Variants in STIM1 observed in about 807,000 individuals in gnomAD.
STIM1 encodes stromal interaction molecule 1.
In STIM1, 25 loss-of-function variants were observed where a neutral mutation model predicts 74.7. That is an observed-to-expected ratio of 0.33 (90% CI 0.24 to 0.47). The LOEUF (loss-of-function observed/expected upper bound fraction) is 0.47. Among genes scored for constraint, STIM1 ranks in the 20% least tolerant of loss-of-function variants. STIM1 has a pLI of 1.00. For synonymous variants in STIM1, 328 were observed against 348.8 expected, an observed-to-expected ratio of 0.94 and a Z score of 0.66; for missense variants, 728 against 920.8, an observed-to-expected ratio of 0.79 and a Z score of 2.71.
chr11:4,054,300 T>C (rs1223307602), intron 3 of STIM1, among the ~76,000 whole-genome samples: 1 of 152,138 alleles, frequency 6.6e-6, no homozygotes, highest in African/African-American at 2.4e-5. Flanking sequence ...AGGACAATAC[T>C]AGTAGCTATC....
chr11:3,979,512 T>C (rs11030479), intron 2 of STIM1, among the ~76,000 whole-genome samples: 8,270 of 152,266 alleles, frequency 0.054, 373 homozygotes, highest in East Asian at 0.18. Context: ...GTGGCACAAT[T>C]ATGGCTCACT....
At chr11:3,950,154 G>T (rs1254088181) in intron 1 of STIM1, among the ~76,000 whole-genome samples, 4 of 139,600 alleles carry the variant, frequency 2.9e-5, no homozygotes, top group African/African-American at 2.7e-5. Flanking sequence ...TTTTTTTTGA[G>T]ACAGAGTCTT....
At chr11:3,974,779 A>T (rs1305933509) in intron 2 of STIM1, among the ~76,000 whole-genome samples, 1 of 151,920 alleles carries the variant, frequency 6.6e-6, no homozygotes, top group Non-Finnish European at 1.5e-5. Context: ...AGAATTCATG[A>T]CCTGTGTTCT....
chr11:3,881,696 T>A (rs1352372683), intron 1 of STIM1, among the ~76,000 whole-genome samples: 3 of 149,132 alleles, frequency 2.0e-5, no homozygotes, highest in East Asian at 2.0e-4. Flanking sequence ...ATTTATTTAT[T>A]TTTTTGAGAT....
At chr11:3,862,113 A>G (rs950574362) in intron 1 of STIM1, among the ~76,000 whole-genome samples, 46 of 152,208 alleles carry the variant, frequency 3.0e-4, no homozygotes, top group African/African-American at 1.1e-3. Context: ...GTTGATTAAA[A>G]AAATCATGAA....
chr11:4,021,133 A>ATGGTGG (rs71466145), intron 2 of STIM1, among the ~76,000 whole-genome samples: 2 of 151,310 alleles, frequency 1.3e-5, no homozygotes, highest in African/African-American at 4.9e-5. Context: ...TTTGTTGCCT[A>ATGGTGG]TGGTGGTGGT....
At chr11:3,922,963 G>A (rs923420260) in intron 1 of STIM1, among the ~76,000 whole-genome samples, 6 of 151,960 alleles carry the variant, frequency 3.9e-5, no homozygotes, top group Non-Finnish European at 5.9e-5. Flanking sequence ...GCCAGGCATG[G>A]TAGCGGGCGC....
intron 1 of STIM1, among the ~76,000 whole-genome samples, chr11:3,945,127 C>T (rs2093056620): frequency 6.6e-6 from 1 of 152,182 alleles, no homozygotes; most frequent in South Asian, 2.1e-4. Context: ...GCTATGTGCT[C>T]TTGAGCAAGT....
At chr11:4,037,232 T>G (rs1266516940) in intron 3 of STIM1, among the ~76,000 whole-genome samples, 2 of 152,098 alleles carry the variant, frequency 1.3e-5, no homozygotes, top group Admixed American at 6.6e-5. Context: ...GTTTTTGGAT[T>G]TTTAGTAGAG....
intron 2 of STIM1, among the ~76,000 whole-genome samples, chr11:3,978,344 C>T (rs941692439): frequency 4.6e-4 from 68 of 147,896 alleles, no homozygotes; most frequent in Non-Finnish European, 8.7e-4. Flanking sequence ...GACGGGGTTT[C>T]TCCATGTTGG....
chr11:3,973,841 A>G, intron 2 of STIM1: 6 of 399,220 alleles, frequency 1.5e-5, no homozygotes, highest in Non-Finnish European at 2.8e-5. Context: ...AGCCTCTTGA[A>G]TAGCTGGGAC....
At chr11:4,079,148 G>A (rs924241634) in intron 7 of STIM1, among the ~76,000 whole-genome samples, 5 of 151,858 alleles carry the variant, frequency 3.3e-5, no homozygotes, top group African/African-American at 1.2e-4. Context: ...AAAATTAGCC[G>A]GGCGTGGTGG....
At chr11:4,077,561 T>G (rs2094443999) in intron 7 of STIM1, among the ~76,000 whole-genome samples, 1 of 152,160 alleles carries the variant, frequency 6.6e-6, no homozygotes, top group Non-Finnish European at 1.5e-5. Context: ...TAGAACACTT[T>G]GCCTAACTCT....
At chr11:3,854,649 AGAGAG>A (rs1450217652), upstream of STIM1, 7 of 152,396 alleles carry the variant, frequency 4.6e-5, no homozygotes, top group Admixed American at 1.3e-4. Context: ...CTCCTCCACC[AGAGAG>A]GTAGCTGGGA....
At position 3,992,081 on chromosome 11, in the gene STIM1, G is replaced by GTTTTTTTTTTTTTTTT. The variant is rs1554963559; in HGVS notation, c.270+24406_270+24407insTTTTTTTTTTTTTTTT. On this transcript the variant is annotated intron_variant, in intron 2 of 12. Transcript: ENST00000526596. ...TTTCTCTGCAGCCTTGCCAACATCT[G>GTTTTTTTTTTTTTTTT]TTTTTTTGTTTTTTTTTTTTTTTTT... 2.7e-4 allele frequency among the ~76,000 whole-genome samples: 25 copies of GTTTTTTTTTTTTTTTT among 91,986 alleles called. 1 individual carries two copies. Among genetic ancestry groups the GTTTTTTTTTTTTTTTT allele is most frequent in the African/African-American group, 1.1e-3 (23 of 21,338 alleles). The allele number at this position is 91,986 out of a possible 152,430, so 60.3% of individuals were successfully genotyped here.
At chr11:3,859,778 G>C (rs2090527827) in intron 1 of STIM1, among the ~76,000 whole-genome samples, 1 of 152,194 alleles carries the variant, frequency 6.6e-6, no homozygotes, top group Non-Finnish European at 1.5e-5. Flanking sequence ...AACTGGGCTG[G>C]GGCCAAGAGC....
chr11:3,880,740 G>C (rs2091469756), intron 1 of STIM1, among the ~76,000 whole-genome samples: 1 of 152,124 alleles, frequency 6.6e-6, no homozygotes, highest in Non-Finnish European at 1.5e-5. Context: ...CCAGCCTCTA[G>C]CTCTCTGCTA....
At chr11:4,070,897 T>C (rs569884007) in intron 6 of STIM1, among the ~76,000 whole-genome samples, 1 of 124,344 alleles carries the variant, frequency 8.0e-6, no homozygotes, top group South Asian at 3.0e-4. Context: ...ATGGCAGTTA[T>C]GAGAAATTCA....
chr11:3,895,598 T>TTCTTTCTCTC (rs2092039759), intron 1 of STIM1, among the ~76,000 whole-genome samples: 2 of 87,016 alleles, frequency 2.3e-5, no homozygotes, highest in African/African-American at 6.2e-5. Flanking sequence ...ATAGTGTTCT[T>TTCTTTCTCTC]TCTTTCTCTC....
Sources: gnomAD v4.1 joint callset for allele counts (sites outside exome capture counted in the v4.1 genomes callset) on GRCh38, gnomAD v4.1.1 for gene constraint, MANE v1.5 for transcripts, NCBI Gene and HGNC (gene_info 2026-07-23, HGNC 2026-07-21) for gene names.